Variants in CPAP observed in about 807,000 individuals in gnomAD.
CPAP encodes the protein centrosomal P4.1-associated protein.
the CPAP span, among the ~76,000 whole-genome samples, chr13:24,916,995 A>G: frequency 1.3e-5 from 2 of 152,220 alleles, no homozygotes; most frequent in African/African-American, 4.8e-5. Flanking sequence ...TCACGCCTAT[A>G]ATCCCAGCAC....
At chr13:24,905,935 G>A in the CPAP span, 1 of 1,614,084 alleles carries the variant, frequency 6.2e-7, no homozygotes, top group Non-Finnish European at 8.5e-7. Context: ...CAGTGCTACT[G>A]TCACTATTTG....
chr13:24,931,306 C>CTTTTTTTTTTCTTTTTTT, the CPAP span, among the ~76,000 whole-genome samples: 1 of 72,646 alleles, frequency 1.4e-5, no homozygotes, highest in African/African-American at 6.6e-5. Context: ...TTTCATGTTT[C>CTTTTTTTTTTCTTTTTTT]TTTTTTTTTT....
chr13:24,904,767 A>T, the CPAP span, among the ~76,000 whole-genome samples: 1 of 152,012 alleles, frequency 6.6e-6, no homozygotes, highest in African/African-American at 2.4e-5. Context: ...TAACGTTATA[A>T]TTTCTATTTT....
At chr13:24,890,685 G>C in the CPAP span, among the ~76,000 whole-genome samples, 2 of 152,144 alleles carry the variant, frequency 1.3e-5, no homozygotes, top group African/African-American at 4.8e-5. Flanking sequence ...TATTCCCCCA[G>C]CCTCTGCTTT....
chr13:24,900,865 G>C, the CPAP span, among the ~76,000 whole-genome samples: 1 of 152,216 alleles, frequency 6.6e-6, no homozygotes, highest in Non-Finnish European at 1.5e-5. Flanking sequence ...ACTCAAGCAT[G>C]ACTCCAAGAT....
chr13:24,928,516 C>T, the CPAP span, among the ~76,000 whole-genome samples: 1 of 152,196 alleles, frequency 6.6e-6, no homozygotes, highest in Non-Finnish European at 1.5e-5. Flanking sequence ...CTGCAGCCTC[C>T]ACCTCCCGAG....
the CPAP span, among the ~76,000 whole-genome samples, chr13:24,914,232 G>T: frequency 6.6e-6 from 1 of 152,120 alleles, no homozygotes; most frequent in Non-Finnish European, 1.5e-5. Context: ...CAGGGGCAGG[G>T]TAAGTAAAGA....
chr13:24,915,574 C>T, the CPAP span, among the ~76,000 whole-genome samples: 55 of 152,218 alleles, frequency 3.6e-4, no homozygotes, highest in Non-Finnish European at 6.2e-4. Flanking sequence ...GAGGCCGAGG[C>T]GGGTGGATCA....
At chr13:24,895,194 A>T in the CPAP span, among the ~76,000 whole-genome samples, 1 of 152,230 alleles carries the variant, frequency 6.6e-6, no homozygotes, top group African/African-American at 2.4e-5. Context: ...CGGCTCTGTC[A>T]ACCTCCACAG....
the CPAP span, among the ~76,000 whole-genome samples, chr13:24,901,225 C>T: frequency 2.0e-5 from 3 of 152,190 alleles, no homozygotes; most frequent in Non-Finnish European, 4.4e-5. Context: ...GGGAGGAATA[C>T]TTGTGGCACA....
At chr13:24,923,552 G>A in the CPAP span, among the ~76,000 whole-genome samples, 1 of 152,084 alleles carries the variant, frequency 6.6e-6, no homozygotes, top group South Asian at 2.1e-4. Flanking sequence ...AACTGCCACG[G>A]CCCTTTAATC....
the CPAP span, chr13:24,892,735 T>G: frequency 5.0e-6 from 8 of 1,614,036 alleles, no homozygotes; most frequent in Non-Finnish European, 6.8e-6. Context: ...ATCACTTTTA[T>G]TTCTTCCCGG....
At chr13:24,904,027 C>A in the CPAP span, 3 of 1,613,984 alleles carry the variant, frequency 1.9e-6, no homozygotes, top group South Asian at 1.1e-5. Context: ...CAATAATTTT[C>A]TCTCTCAAAA....
chr13:24,923,175 G>C, the CPAP span, among the ~76,000 whole-genome samples: 1 of 152,092 alleles, frequency 6.6e-6, no homozygotes, highest in East Asian at 1.9e-4. Context: ...TCCCAGCAAA[G>C]CAGGGAGCAC....
chr13:24,905,345 C>T, the CPAP span: 2 of 1,613,408 alleles, frequency 1.2e-6, no homozygotes, highest in Non-Finnish European at 1.7e-6. Flanking sequence ...CTCTGACTCA[C>T]CAGGTGGTTG....
chr13:24,922,171 A>G, the CPAP span, among the ~76,000 whole-genome samples: 346 of 152,334 alleles, frequency 2.3e-3, no homozygotes, highest in Admixed American at 3.9e-3. Flanking sequence ...AAATCTCCAG[A>G]AAGTGCTATG....
the CPAP span, among the ~76,000 whole-genome samples, chr13:24,925,614 A>G: frequency 6.6e-6 from 1 of 152,174 alleles, no homozygotes. Flanking sequence ...AAAAGAAAAA[A>G]AGTGGGGGAG....
the CPAP span, chr13:24,922,688 C>G: frequency 6.6e-6 from 1 of 152,296 alleles, no homozygotes; most frequent in Non-Finnish European, 1.5e-5. Context: ...GAGTCCTGCC[C>G]GCCCACCGCC....
At chr13:24,884,052 G>A in the CPAP span, 1 of 1,613,660 alleles carries the variant, frequency 6.2e-7, no homozygotes, top group Non-Finnish European at 8.5e-7. Context: ...CAGGAAACGT[G>A]ATTTCTTTTC....
Sources: allele counts gnomAD v4.1 joint callset (sites outside exome capture counted in the v4.1 genomes callset), GRCh38; gene constraint gnomAD v4.1.1; transcripts MANE v1.5; gene names NCBI Gene and HGNC (gene_info 2026-07-23, HGNC 2026-07-21).